ANKS1B: variants seen among roughly 807,000 people sequenced by gnomAD.
ANKS1B encodes the protein ankyrin repeat and sterile alpha motif domain containing 1B, also known as ankyrin repeat and sterile alpha motif domain-containing protein 1B.
ANKS1B carries 36 observed loss-of-function variants against 148.3 expected under a neutral mutation model. The ratio of observed to expected loss-of-function variants is 0.24; its 90% CI spans 0.19 to 0.32. The LOEUF is 0.32. ANKS1B is among the 10% of genes least tolerant of loss of function. The pLI is 1.00. For synonymous variants in ANKS1B, 542 were observed against 560.8 expected (o/e 0.97, Z 0.47); for missense variants, 1,157 against 1,542.6 (o/e 0.75, Z 4.19).
chr12:99,097,833 G>A (rs2056707151), intron 15 of ANKS1B, among the ~76,000 whole-genome samples: 1 of 152,190 alleles, frequency 6.6e-6, no homozygotes, highest in Middle Eastern at 3.4e-3. Context: ...CTTTTAACAC[G>A]GCATCTGTTC....
intron 12 of ANKS1B, among the ~76,000 whole-genome samples, chr12:99,275,949 G>A (rs1271057780): frequency 6.6e-6 from 1 of 152,162 alleles, no homozygotes; most frequent in Non-Finnish European, 1.5e-5. Context: ...AGCTCCCAGT[G>A]TCAGCAATTT....
rs2067663261 is a variant in ANKS1B at position 99,806,674 on chromosome 12, G to A, written c.399C>T (p.His133=). 1.2e-6 allele frequency: 2 copies of A among 1,610,786 alleles called. No individual in the cohort carries two copies. Among genetic ancestry groups the A allele is most frequent in the Admixed American group, 3.3e-5 (2 of 59,934 alleles). ...CTGAGTGTCCATATTGAGCTGCACAGTGTAGGGCAGTTTCATTTTCATTGT... is the reference window on the plus strand; with the variant it reads ...CTGAGTGTCCATATTGAGCTGCACAATGTAGGGCAGTTTCATTTTCATTGT... ...EQNNENETAL[H]CAAQYGHSEV... is the part of the protein sequence containing the mutation. The change falls in exon 4 of 27, where the codon CAC becomes CAT. Residue 133 remains histidine (H), a synonymous_variant. Coordinates refer to ENST00000683438, the MANE Select transcript of ANKS1B (RefSeq NM_001352186.2).
At chr12:99,203,357 A>T (rs994392158) in intron 14 of ANKS1B, among the ~76,000 whole-genome samples, 2 of 151,982 alleles carry the variant, frequency 1.3e-5, no homozygotes, top group African/African-American at 4.8e-5. Flanking sequence ...TCTGACATCT[A>T]TTGAAGTCTT....
intron 9 of ANKS1B, among the ~76,000 whole-genome samples, chr12:99,570,000 C>T (rs1447725876): frequency 6.6e-6 from 1 of 152,092 alleles, no homozygotes; most frequent in African/African-American, 2.4e-5. Flanking sequence ...TTTATATAGC[C>T]CTTACCATCA....
At chr12:98,864,129 CTT>C (rs35024278) in intron 17 of ANKS1B, among the ~76,000 whole-genome samples, 42 of 140,346 alleles carry the variant, frequency 3.0e-4, no homozygotes, top group East Asian at 2.3e-3. Flanking sequence ...GTCTGTGATG[CTT>C]TTTTTTTTTT....
At chr12:99,085,403 G>A (rs1219361956) in intron 15 of ANKS1B, among the ~76,000 whole-genome samples, 1 of 151,726 alleles carries the variant, frequency 6.6e-6, no homozygotes, top group Non-Finnish European at 1.5e-5. Context: ...CTTTGTTTCT[G>A]TAAAAATGTG....
intron 17 of ANKS1B, among the ~76,000 whole-genome samples, chr12:98,871,998 TAATATTTGG>T (rs2099671651): frequency 6.6e-6 from 1 of 152,230 alleles, no homozygotes; most frequent in Admixed American, 6.5e-5. Flanking sequence ...ATGTTTATAA[TAATATTTGG>T]AATATTTGGT....
chr12:99,352,543 A>G (rs1174916757), intron 12 of ANKS1B, among the ~76,000 whole-genome samples: 1 of 152,066 alleles, frequency 6.6e-6, no homozygotes, highest in East Asian at 1.9e-4. Flanking sequence ...CCTTTAATCA[A>G]TGTAATGAAA....
chr12:99,176,330 A>C, intron 14 of ANKS1B, among the ~76,000 whole-genome samples: 1 of 152,182 alleles, frequency 6.6e-6, no homozygotes. Context: ...ATAAACTGAC[A>C]TGATTTCTTG....
At chr12:99,541,777 C>G (rs1336498672) in intron 9 of ANKS1B, among the ~76,000 whole-genome samples, 1 of 152,146 alleles carries the variant, frequency 6.6e-6, no homozygotes, top group East Asian at 1.9e-4. Flanking sequence ...ACCACTTGAA[C>G]CTGCGGAGCG....
chr12:99,214,022 T>A (rs537262261), intron 14 of ANKS1B, among the ~76,000 whole-genome samples: 1 of 152,262 alleles, frequency 6.6e-6, no homozygotes, highest in Admixed American at 6.5e-5. Flanking sequence ...TTGAGTCTAC[T>A]CAGAAGATTC....
intron 11 of ANKS1B, among the ~76,000 whole-genome samples, chr12:99,419,249 T>C (rs1034295285): frequency 6.6e-6 from 1 of 152,238 alleles, no homozygotes; most frequent in African/African-American, 2.4e-5. Context: ...GATTTATTTT[T>C]TGAAAGCTTT....
chr12:99,242,397 C>T (rs566875468), intron 14 of ANKS1B, among the ~76,000 whole-genome samples: 9 of 152,036 alleles, frequency 5.9e-5, no homozygotes, highest in Non-Finnish European at 1.2e-4. Context: ...TAAAAGAGGA[C>T]ACAAACAAAT....
chr12:99,331,511 A>C (rs915477524), intron 12 of ANKS1B, among the ~76,000 whole-genome samples: 9 of 151,930 alleles, frequency 5.9e-5, no homozygotes, highest in African/African-American at 2.2e-4. Context: ...AGTTCTCCTA[A>C]GCCACCCTAC....
chr12:99,628,869 C>T (rs936997850), intron 9 of ANKS1B, among the ~76,000 whole-genome samples: 5 of 152,168 alleles, frequency 3.3e-5, no homozygotes, highest in African/African-American at 9.7e-5. Flanking sequence ...CCCTTGTAAC[C>T]TAATCACCTC....
intron 18 of ANKS1B, among the ~76,000 whole-genome samples, chr12:98,830,349 A>C (rs193127474): frequency 1.9e-3 from 294 of 152,236 alleles, no homozygotes; most frequent in African/African-American, 6.7e-3. Flanking sequence ...TAGCCTCCAA[A>C]TATCCCAGTG....
intron 8 of ANKS1B, among the ~76,000 whole-genome samples, chr12:99,724,827 G>T (rs2058460494): frequency 6.6e-6 from 1 of 152,202 alleles, no homozygotes; most frequent in Admixed American, 6.5e-5. Flanking sequence ...AACGGTACAA[G>T]CCAGAAGAGA....
intron 16 of ANKS1B, among the ~76,000 whole-genome samples, chr12:99,080,976 G>A (rs1323139744): frequency 6.6e-6 from 1 of 152,156 alleles, no homozygotes; most frequent in Non-Finnish European, 1.5e-5. Flanking sequence ...GGTTGGTGAG[G>A]GAAGTAGACT....
At chr12:99,554,599 C>G (rs1477625220) in intron 9 of ANKS1B, among the ~76,000 whole-genome samples, 1 of 152,190 alleles carries the variant, frequency 6.6e-6, no homozygotes, top group African/African-American at 2.4e-5. Flanking sequence ...TTGATGTTTT[C>G]TACTGCACTA....
Sources: gnomAD v4.1 joint callset for allele counts (sites outside exome capture counted in the v4.1 genomes callset) on GRCh38, gnomAD v4.1.1 for gene constraint, MANE v1.5 for transcripts, NCBI Gene and HGNC (gene_info 2026-07-23, HGNC 2026-07-21) for gene names.